The following MAST4 variants were observed in gnomAD, a reference collection of about 807,000 sequenced individuals.
The protein encoded by MAST4 is microtubule associated serine/threonine kinase family member 4.
A neutral mutation model predicts 162.7 loss-of-function variants in MAST4; 89 were observed. That is an observed-to-expected ratio of 0.55 (90% CI 0.46 to 0.65). The LOEUF (loss-of-function observed/expected upper bound fraction) is 0.65. MAST4 is among the 30% of genes least tolerant of loss of function. The probability of loss-of-function intolerance (pLI) is 0.00; values close to 1 mark genes in which losing one functional copy is unlikely to be tolerated. For synonymous variants in MAST4, 1,479 were observed against 1,361.1 expected (o/e 1.09, Z -1.91); for missense variants, 3,153 against 3,374.0 (o/e 0.93, Z 1.62).
chr5:66,659,108 A>G (rs1342981723), intron 1 of MAST4, among the ~76,000 whole-genome samples: 1 of 152,182 alleles, frequency 6.6e-6, no homozygotes, highest in Non-Finnish European at 1.5e-5. Context: ...CATGGATGGC[A>G]TGTTGATGGT....
At chr5:66,602,402 A>G (rs7707389) in intron 1 of MAST4, among the ~76,000 whole-genome samples, 23,759 of 152,134 alleles carry the variant, frequency 0.16, 2,821 homozygotes, top group African/African-American at 0.32. Flanking sequence ...TCTGGTCTGA[A>G]GTACTCCAGG....
At chr5:67,057,930 C>T (rs1759059321) in intron 5 of MAST4, among the ~76,000 whole-genome samples, 1 of 145,488 alleles carries the variant, frequency 6.9e-6, no homozygotes, top group South Asian at 2.1e-4. Flanking sequence ...AATGATATGT[C>T]ATTGCAATTA....
At chr5:66,660,992 A>G (rs1746870470) in intron 1 of MAST4, among the ~76,000 whole-genome samples, 1 of 152,230 alleles carries the variant, frequency 6.6e-6, no homozygotes, top group South Asian at 2.1e-4. Context: ...GAAAAATCAC[A>G]TGTTAGCATG....
intron 4 of MAST4, among the ~76,000 whole-genome samples, chr5:67,014,246 C>A (rs1753023932): frequency 6.6e-6 from 1 of 152,160 alleles, no homozygotes; most frequent in Admixed American, 6.5e-5. Flanking sequence ...AAAGGGCAGG[C>A]ATGTGGCAAA....
chr5:67,010,118 G>A (rs778444), intron 4 of MAST4, among the ~76,000 whole-genome samples: 87,964 of 151,952 alleles, frequency 0.58, 25,654 homozygotes, highest in East Asian at 0.71. Context: ...TTGAAGATCT[G>A]TTGTGCACTG....
At chr5:66,787,759 T>C (rs1224052707) in intron 2 of MAST4, among the ~76,000 whole-genome samples, 2 of 152,238 alleles carry the variant, frequency 1.3e-5, no homozygotes, top group Admixed American at 6.5e-5. Flanking sequence ...TTGTCTGTTT[T>C]TTTGGAAGGA....
chr5:66,777,474 C>G (rs1580426395), intron 2 of MAST4, among the ~76,000 whole-genome samples: 1 of 152,144 alleles, frequency 6.6e-6, no homozygotes, highest in Non-Finnish European at 1.5e-5. Flanking sequence ...TAAGCCTGTC[C>G]AAGGTCACAC....
intron 1 of MAST4, among the ~76,000 whole-genome samples, chr5:66,754,868 A>T (rs1246037289): frequency 6.6e-6 from 1 of 152,220 alleles, no homozygotes; most frequent in Non-Finnish European, 1.5e-5. Flanking sequence ...ATAGAGACCC[A>T]GAGGACAGAG....
chr5:66,752,434 A>G (rs1753240199), intron 1 of MAST4, among the ~76,000 whole-genome samples: 1 of 147,600 alleles, frequency 6.8e-6, no homozygotes, highest in South Asian at 2.3e-4. Flanking sequence ...GGCTCAAAAT[A>G]AAAGGATGGA....
chr5:67,109,235 C>A (rs988026847), intron 10 of MAST4, among the ~76,000 whole-genome samples: 1 of 151,892 alleles, frequency 6.6e-6, no homozygotes, highest in Non-Finnish European at 1.5e-5. Context: ...CATTTATATA[C>A]CCAGGTATAG....
intron 6 of MAST4, chr5:67,094,077 A>G: frequency 1.2e-6 from 1 of 807,508 alleles, no homozygotes; most frequent in Non-Finnish European, 1.9e-6. Context: ...AATTTCTTTT[A>G]TCTGGTATAT....
chr5:67,165,281 A>G lies in MAST4; in HGVS notation c.6102A>G (p.Lys2034=). 6.2e-7 allele frequency: 1 copy of G among 1,613,454 alleles called. No homozygotes were observed. The highest frequency in any genetic ancestry group is 8.5e-7 in the Non-Finnish European group (1 of 1,179,880). ...DFYTQTQAME[K]AWAPGGKTNH... is the part of the protein sequence containing the mutation. ...ATACACAGACCCAGGCCATGGAGAA[A>G]GCATGGGCGCCGGGTGGGAAAACGA... The change falls in exon 29 of 29, where the codon AAA becomes AAG. Residue 2034 remains lysine (K), a synonymous_variant. Coordinates refer to ENST00000403625, the MANE Select transcript of MAST4 (RefSeq NM_001164664.2).
intron 5 of MAST4, among the ~76,000 whole-genome samples, chr5:67,078,844 ATATT>A (rs1389046285): frequency 3.4e-5 from 4 of 116,494 alleles, no homozygotes; most frequent in South Asian, 4.7e-4. Context: ...ATATTTAAAT[ATATT>A]TATATATTTA....
rs1746707104 is a variant in MAST4, at chr5:66,658,682, A to C, written c.363+61664A>C. Among the ~76,000 whole-genome samples, 6 of 152,162 alleles carry C rather than the reference A, an allele frequency of 3.9e-5. No individual in the cohort carries two copies. In the South Asian group the frequency reaches 1.0e-3, roughly 26 times the overall value. ...TGGTTCCTTCATTAGTGACGTTTGC[A>C]TGCCCCCTGGGTGCCAGACACTGTA... On this transcript the variant is annotated intron_variant, in intron 1 of 28. Transcript: ENST00000403625.
chr5:66,843,367 T>C (rs1199672101), intron 3 of MAST4, among the ~76,000 whole-genome samples: 1 of 152,198 alleles, frequency 6.6e-6, no homozygotes, highest in East Asian at 1.9e-4. Context: ...GCAAGATAGT[T>C]CCTCTGTCAT....
intron 4 of MAST4, among the ~76,000 whole-genome samples, chr5:66,932,876 A>C (rs886202711): frequency 1.3e-5 from 2 of 152,194 alleles, no homozygotes; most frequent in Non-Finnish European, 2.9e-5. Flanking sequence ...TGAAGTCTGT[A>C]CTTGGTGAAA....
rs1387560611 is a variant in MAST4, at chr5:67,046,958, A to G, written c.675-7446A>G. On this transcript the variant is annotated intron_variant, in intron 4 of 28. Transcript: ENST00000403625. ...CCCCCTGATCACTATGACCTGGATC[A>G]TTACATTGATACAAATATGGAAAAG... is the stretch of plus-strand genomic sequence containing the variant. 1.8e-4 allele frequency among the ~76,000 whole-genome samples: 27 copies of G among 152,192 alleles called. 1 individual carries two copies. The highest frequency in any genetic ancestry group is 1.8e-3 in the Admixed American group (27 of 15,280).
At chr5:67,123,814 T>C (rs923056582) in intron 14 of MAST4, among the ~76,000 whole-genome samples, 3 of 152,206 alleles carry the variant, frequency 2.0e-5, no homozygotes, top group African/African-American at 7.2e-5. Flanking sequence ...CCTTCTAATC[T>C]TGATGCACAT....
chr5:66,845,126 T>TATATATATACACACACACACACAC (rs1358855625), intron 3 of MAST4, among the ~76,000 whole-genome samples: 1 of 67,172 alleles, frequency 1.5e-5, no homozygotes, highest in African/African-American at 5.6e-5. Flanking sequence ...TATATATATA[T>TATATATATACACACACACACACAC]ACACACACAC....
Sources: gnomAD v4.1 joint callset for allele counts (sites outside exome capture counted in the v4.1 genomes callset) on GRCh38, gnomAD v4.1.1 for gene constraint, MANE v1.5 for transcripts, NCBI Gene and HGNC (gene_info 2026-07-23, HGNC 2026-07-21) for gene names.